CNOT7: variants seen among roughly 807,000 people sequenced by gnomAD.
CNOT7 encodes the protein BTG1-binding factor 1.
Under a neutral mutation model 37.1 loss-of-function variants are expected in CNOT7, and 4 were observed. The ratio of observed to expected loss-of-function variants is 0.11; its 90% CI spans 0.05 to 0.25. CNOT7 has a LOEUF of 0.25. Among genes scored for constraint, CNOT7 ranks in the 10% least tolerant of loss-of-function variants. The pLI is 1.00. For synonymous variants in CNOT7, 128 were observed against 115.6 expected, an observed-to-expected ratio of 1.11 and a Z score of -0.69; for missense variants, 170 against 336.2, an observed-to-expected ratio of 0.51 and a Z score of 3.87.
chr8:17,234,475 C>A, intron 5 of CNOT7: 1 of 450,428 alleles, frequency 2.2e-6, no homozygotes, highest in Non-Finnish European at 4.1e-6. Flanking sequence ...TGACAAGAAC[C>A]GGACCTAAGC....
intron 2 of CNOT7, among the ~76,000 whole-genome samples, chr8:17,244,112 G>A (rs1810561252): frequency 6.6e-6 from 1 of 152,192 alleles, no homozygotes; most frequent in Non-Finnish European, 1.5e-5. Flanking sequence ...TATGCTAGGT[G>A]TTGGGAGAGA....
chr8:17,236,359 A>G (rs1214176960), intron 4 of CNOT7, among the ~76,000 whole-genome samples: 1 of 152,208 alleles, frequency 6.6e-6, no homozygotes, highest in Non-Finnish European at 1.5e-5. Context: ...ATCATTCTGA[A>G]GGTTACTTTT....
intron 3 of CNOT7, among the ~76,000 whole-genome samples, chr8:17,238,987 TTAAC>T (rs1460846976): frequency 7.2e-5 from 11 of 152,210 alleles, no homozygotes; most frequent in Non-Finnish European, 1.2e-4. Flanking sequence ...ATACAACTCC[TTAAC>T]TAACTCATGA....
intron 3 of CNOT7, among the ~76,000 whole-genome samples, chr8:17,239,088 C>A (rs1041772163): frequency 6.6e-6 from 1 of 152,212 alleles, no homozygotes; most frequent in African/African-American, 2.4e-5. Context: ...GAGACAGGGT[C>A]TGGCTGTCAT....
rs373884210 is a variant in CNOT7, at chr8:17,229,167, A to G, written c.*1553T>C. The G allele has an allele frequency of 3.9e-5, 6 of 152,130 alleles. No homozygotes were observed. Among genetic ancestry groups the G allele is most frequent in the African/African-American group, 1.2e-4 (5 of 41,568 alleles). The allele number at this position is 152,130 out of a possible 1,614,324, so 9.4% of individuals were successfully genotyped here. A position where few individuals can be genotyped will look rare whatever the true frequency, so the allele number is the denominator to read the frequency against. On this transcript the variant is annotated 3_prime_UTR_variant, in exon 7 of 7. Transcript: ENST00000361272. ...TACTGAATTCTGTTGAGTTGCCCAA[A>G]TAAAAATGAACAATATCCCCCAAAT...
intron 3 of CNOT7, among the ~76,000 whole-genome samples, chr8:17,240,957 T>TA (rs1810078814): frequency 6.6e-6 from 1 of 152,166 alleles, no homozygotes; most frequent in Non-Finnish European, 1.5e-5. Context: ...AAAAATCTCA[T>TA]AATGTTTTAA....
intron 2 of CNOT7, chr8:17,243,679 T>C (rs118147928): frequency 6.6e-6 from 3 of 456,066 alleles, no homozygotes; most frequent in East Asian, 1.4e-4. Flanking sequence ...ATTCTCTCTA[T>C]AGTCCACAGA....
At chr8:17,235,921 A>G (rs781702383) in intron 4 of CNOT7, among the ~76,000 whole-genome samples, 23 of 152,166 alleles carry the variant, frequency 1.5e-4, no homozygotes, top group Non-Finnish European at 3.2e-4. Flanking sequence ...CCCAGTGCCT[A>G]GTGCACTGTA....
rs565886625 is a variant in CNOT7, at chr8:17,238,836, C to T, written c.312-1463G>A. On this transcript the variant is annotated intron_variant, in intron 3 of 6. Coordinates refer to ENST00000361272, the MANE Select transcript of CNOT7 (RefSeq NM_013354.7). The stretch of plus-strand genomic sequence containing the variant: ...AGATTAATATTCCTGTCTTTCTTTA[C>T]ATCTACGTATGTGAAGATCTTTCTT... Among the ~76,000 whole-genome samples, 28 of 152,300 alleles carry T rather than the reference C, an allele frequency of 1.8e-4. 1 individual carries two copies. Among genetic ancestry groups the T allele is most frequent in the Middle Eastern group, 3.4e-3 (1 of 294 alleles).
chr8:17,234,964 C>T (rs1809146469), intron 4 of CNOT7, 104 bp from the exon 5 acceptor site: 2 of 900,118 alleles, frequency 2.2e-6, no homozygotes, highest in Admixed American at 2.8e-5. Context: ...CACTAGAGCC[C>T]TCCCAAAAAC....
chr8:17,238,703 G>A (rs1268304774), intron 3 of CNOT7, among the ~76,000 whole-genome samples: 2 of 152,164 alleles, frequency 1.3e-5, no homozygotes, highest in Admixed American at 6.5e-5. Context: ...CCAAGGTATA[G>A]GTATACAAGT....
At position 17,244,684 on chromosome 8, in the gene CNOT7, C is replaced by T. The variant is rs143768248; in HGVS notation, c.117+352G>A. The T allele has an allele frequency of 2.7e-4, 48 of 176,378 alleles. No individual in the cohort carries two copies. The East Asian group carries it at 4.8e-3, about 18-fold the overall frequency. The allele number at this position is 176,378 out of a possible 1,614,324, so 10.9% of individuals were successfully genotyped here. A position where few individuals can be genotyped will look rare whatever the true frequency, so the allele number is the denominator to read the frequency against. On this transcript the variant is annotated intron_variant, in intron 2 of 6. Coordinates refer to ENST00000361272, the MANE Select transcript of CNOT7 (RefSeq NM_013354.7). ...TAAGACTTAGTAAGATACCCAATCA[C>T]AGAATTACCCCAGCTTCCCGAACAC...
chr8:17,242,716 G>C (rs1187775637), intron 3 of CNOT7: 3 of 255,782 alleles, frequency 1.2e-5, no homozygotes, highest in African/African-American at 6.7e-5. Flanking sequence ...ACTAATGTAG[G>C]ATTATTTTTT....
In CNOT7 at chr8:17,227,316, A is replaced by C. The variant is rs1808225919; in HGVS notation, c.*3404T>G. The C allele has an allele frequency of 6.6e-6, 1 of 151,914 alleles. No homozygotes were observed. The highest frequency in any genetic ancestry group is 6.6e-5 in the Admixed American group (1 of 15,224). The allele number at this position is 151,914 out of a possible 1,614,324, so 9.4% of individuals were successfully genotyped here. On this transcript the variant is annotated 3_prime_UTR_variant, in exon 7 of 7. Transcript: ENST00000361272. ...ATATTCCCACTTGTAGTTCCATACAAATTCTTCGATCACTTCAAATCCAGC... is the reference window on the plus strand; with the variant it reads ...ATATTCCCACTTGTAGTTCCATACACATTCTTCGATCACTTCAAATCCAGC...
intron 6 of CNOT7, chr8:17,231,719 G>C (rs556258163): frequency 1.0e-6 from 1 of 985,318 alleles, no homozygotes; most frequent in Non-Finnish European, 1.2e-6. Flanking sequence ...GTGTATCTGT[G>C]CACATCACTT....
At chr8:17,232,305 T>C (rs1230573747) in intron 6 of CNOT7, 122 bp downstream of exon 6, 7 of 1,557,860 alleles carry the variant, frequency 4.5e-6, no homozygotes, top group Middle Eastern at 1.8e-4. Flanking sequence ...ATGTGACTCA[T>C]ATGGTATCTC....
At chr8:17,239,754 A>T (rs910501704) in intron 3 of CNOT7, among the ~76,000 whole-genome samples, 12 of 152,214 alleles carry the variant, frequency 7.9e-5, no homozygotes, top group African/African-American at 2.4e-4. Flanking sequence ...CGGCCTCCCA[A>T]AGTGCTGGGA....
At chr8:17,233,152 G>T (rs527418809) in intron 5 of CNOT7, among the ~76,000 whole-genome samples, 7 of 152,112 alleles carry the variant, frequency 4.6e-5, no homozygotes, top group Non-Finnish European at 7.4e-5. Flanking sequence ...GAAAGAAAGA[G>T]AAAGACAGTA....
Position 17,226,126 on chromosome 8 carries a change from C to G in CNOT7, c.*4594G>C, listed in dbSNP as rs1808142106. 1 of 131,870 alleles carries G rather than the reference C, an allele frequency of 7.6e-6. No individual in the cohort carries two copies. The highest frequency in any genetic ancestry group is 2.8e-5 in the African/African-American group (1 of 35,840). 8.2% of individuals were successfully genotyped at this position (131,870 alleles called of 1,614,324 possible). A position where few individuals can be genotyped will look rare whatever the true frequency, so the allele number is the denominator to read the frequency against. On this transcript the variant is annotated 3_prime_UTR_variant, in exon 7 of 7. Coordinates refer to ENST00000361272, the MANE Select transcript of CNOT7 (RefSeq NM_013354.7). ...AAATGAAGGACATTATTTAGGTACTCAAGGAAACTTTTCACCAAATTTTTA... is the reference window on the plus strand; with the variant it reads ...AAATGAAGGACATTATTTAGGTACTGAAGGAAACTTTTCACCAAATTTTTA...
Sources: gnomAD v4.1 joint callset for allele counts (sites outside exome capture counted in the v4.1 genomes callset) on GRCh38, gnomAD v4.1.1 for gene constraint, MANE v1.5 for transcripts, NCBI Gene and HGNC (gene_info 2026-07-23, HGNC 2026-07-21) for gene names.